The following PSKH1 variants were observed in gnomAD, a reference collection of about 807,000 sequenced individuals.
PSKH1 encodes the protein serine/threonine-protein kinase H1.
Under a neutral mutation model 26.7 loss-of-function variants are expected in PSKH1, and 12 were observed. That is an observed-to-expected ratio of 0.45 (90% confidence interval 0.29 to 0.73). PSKH1 has a LOEUF of 0.73. Among genes scored for constraint, PSKH1 ranks in the 30% least tolerant of loss-of-function variants. PSKH1 has a pLI of 0.11. For missense variants in PSKH1, 431 were observed against 595.2 expected, an observed-to-expected ratio of 0.72 and a Z score of 2.87; for synonymous variants, 213 against 234.3, an observed-to-expected ratio of 0.91 and a Z score of 0.83.
At position 67,927,518 on chromosome 16, in the gene PSKH1, A is replaced by G; in HGVS notation, c.1151A>G (p.Gln384Arg). 1.2e-6 allele frequency: 2 copies of G among 1,614,162 alleles called. No individual in the cohort carries two copies. The highest frequency in any genetic ancestry group is 1.7e-6 in the Non-Finnish European group (2 of 1,180,038). ...CTTAAACGTGCCTCCTCGCGCTGCC[A>G]GAGCACCAAATCTGCCCAGTCCACG... ...NLLKRASSRC[Q>R]STKSAQSTRS... The change falls in exon 3 of 3, where the codon CAG becomes CGG. Residue 384 changes from glutamine (Q) to arginine (R), a missense_variant. Transcript: ENST00000291041. This position sits in a 1 kb window ranked among gnomAD's most constrained non-coding sequence, Gnocchi z 5.5.
In PSKH1 at chr16:67,905,585, C is replaced by T. The variant is rs532654670; in HGVS notation, c.-70-3095C>T. Among the ~76,000 whole-genome samples the T allele has an allele frequency of 3.3e-5, 5 of 152,328 alleles. No homozygotes were observed. The South Asian group carries it at 8.3e-4, about 25-fold the overall frequency. ...TACTGAAATTATGTTTTTGGCTGGG[C>T]ACAGTGGCTCACACCTGTTATCCCA... is the stretch of plus-strand genomic sequence containing the variant. On this transcript the variant is annotated intron_variant, in intron 1 of 2. Coordinates refer to ENST00000291041, the MANE Select transcript of PSKH1 (RefSeq NM_006742.3).
At position 67,909,756 on chromosome 16, in the gene PSKH1, G is replaced by A. The variant is rs1370908543; in HGVS notation, c.957+50G>A. 2 of 1,529,866 alleles carry A rather than the reference G, an allele frequency of 1.3e-6. No homozygotes were observed. Among genetic ancestry groups the A allele is most frequent in the South Asian group, 1.1e-5 (1 of 87,226 alleles). The allele number at this position is 1,529,866 out of a possible 1,614,324, so 94.8% of individuals were successfully genotyped here. On this transcript the variant is annotated intron_variant, in intron 2 of 2. Transcript: ENST00000291041. The surrounding 1 kb of genome is among the most constrained non-coding windows in gnomAD (Gnocchi z 7.8). The stretch of plus-strand genomic sequence containing the variant: ...GGATGTTGGGGAGGCACCTGCGGGG[G>A]CAGGTATATCCTGCAGCTCTCAGTC...
chr16:67,922,949 C>G (rs2058206774), intron 2 of PSKH1, among the ~76,000 whole-genome samples: 1 of 152,240 alleles, frequency 6.6e-6, no homozygotes, highest in Non-Finnish European at 1.5e-5. Flanking sequence ...AGAGCTGGCG[C>G]TGTTCTTTGT....
rs1894043188 is a variant in PSKH1, at chr16:67,929,676, A to G, written c.*2034A>G. The G allele has an allele frequency of 9.7e-6, 5 of 516,512 alleles. No homozygotes were observed. The South Asian group carries it at 1.3e-4, about 14-fold the overall frequency. The allele number at this position is 516,512 out of a possible 1,614,324, so 32.0% of individuals were successfully genotyped here. On this transcript the variant is annotated 3_prime_UTR_variant, in exon 3 of 3. Coordinates refer to ENST00000291041, the MANE Select transcript of PSKH1 (RefSeq NM_006742.3). ...CCAGGGAGGGCTGCCATTCATTCCA[A>G]CAGTTCTGGCTTCTTGCTGTAGGAC...
At chr16:67,905,950 G>A (rs1246781812) in intron 1 of PSKH1, among the ~76,000 whole-genome samples, 1 of 152,118 alleles carries the variant, frequency 6.6e-6, no homozygotes, top group Non-Finnish European at 1.5e-5. Context: ...GTGTGTGTGT[G>A]TTAAAATATA....
intron 1 of PSKH1, among the ~76,000 whole-genome samples, chr16:67,896,162 G>A (rs2058125864): frequency 6.6e-6 from 1 of 151,664 alleles, no homozygotes; most frequent in Admixed American, 6.6e-5. Flanking sequence ...AGGCTGGAGT[G>A]CAATGGCGTG....
At position 67,919,163 on chromosome 16, in the gene PSKH1, G is replaced by A. The variant is rs910921728; in HGVS notation, c.958-8162G>A. Among the ~76,000 whole-genome samples the A allele has an allele frequency of 4.6e-5, 7 of 152,224 alleles. No homozygotes were observed. The South Asian group carries it at 1.4e-3, about 31-fold the overall frequency. ...AGCAGGAGACCAAATGTATATGCTG[G>A]TGGCAGAGTGGAGGCAGGGAAGCGG... On this transcript the variant is annotated intron_variant, in intron 2 of 2. Coordinates refer to ENST00000291041, the MANE Select transcript of PSKH1 (RefSeq NM_006742.3).
At chr16:67,906,729 A>G (rs1186178450) in intron 1 of PSKH1, among the ~76,000 whole-genome samples, 1 of 152,100 alleles carries the variant, frequency 6.6e-6, no homozygotes, top group African/African-American at 2.4e-5. Context: ...AGACATAGAG[A>G]AGAGCCCTCT....
chr16:67,913,260 C>A (rs1180243209), intron 2 of PSKH1, among the ~76,000 whole-genome samples: 1 of 151,998 alleles, frequency 6.6e-6, no homozygotes, highest in Non-Finnish European at 1.5e-5. Context: ...GATTCTCCCG[C>A]CTCAGCCTCC....
intron 1 of PSKH1, among the ~76,000 whole-genome samples, chr16:67,905,132 G>A (rs1263650392): frequency 1.3e-5 from 2 of 152,078 alleles, no homozygotes; most frequent in Non-Finnish European, 2.9e-5. Flanking sequence ...AGCTCTTACT[G>A]GCCCTTTTAA....
In PSKH1 at chr16:67,915,208, A is replaced by AGAGT. The variant is rs1479412956; in HGVS notation, c.957+5503_957+5504insAGTG. 1.2e-3 allele frequency among the ~76,000 whole-genome samples: 171 copies of AGAGT among 143,988 alleles called. No homozygotes were observed. The South Asian group carries it at 0.014, about 12-fold the overall frequency. The allele number at this position is 143,988 out of a possible 152,430, so 94.5% of individuals were successfully genotyped here. ...GAGTGAGTGAGTGAGAGAGAGAGAG[A>AGAGT]GTGTGTGTGTGTGTGTGTGTGTGTG... On this transcript the variant is annotated intron_variant, in intron 2 of 2. Transcript: ENST00000291041.
rs527336120 is a variant in PSKH1, at chr16:67,893,277, T to TGGCGGC, written c.-143_-138dup. On this transcript the variant is annotated 5_prime_UTR_variant, in exon 1 of 3. Transcript: ENST00000291041. ...ACGCCACGACGCTAACGCCCGAGAA[T>TGGCGGC]GGCGGCGGCGGCGGCGGCGGCGGCG... 6.1e-3 allele frequency: 964 copies of TGGCGGC among 159,250 alleles called. 9 individuals carry two copies. The highest frequency in any genetic ancestry group is 0.011 in the South Asian group (62 of 5,866). 9.9% of individuals were successfully genotyped at this position (159,250 alleles called of 1,614,324 possible). A position where few individuals can be genotyped will look rare whatever the true frequency, so the allele number is the denominator to read the frequency against.
intron 1 of PSKH1, among the ~76,000 whole-genome samples, chr16:67,907,635 C>G (rs1316514765): frequency 1.3e-5 from 2 of 152,168 alleles, no homozygotes; most frequent in Non-Finnish European, 2.9e-5. Flanking sequence ...GCTTGTGGTC[C>G]CAAGTTCACT....
At position 67,928,217 on chromosome 16, in the gene PSKH1, A is replaced by G. The variant is rs1424257852; in HGVS notation, c.*575A>G. 1 of 152,960 alleles carries G rather than the reference A, an allele frequency of 6.5e-6. No homozygotes were observed. The highest frequency in any genetic ancestry group is 1.5e-5 in the Non-Finnish European group (1 of 68,556). 9.5% of individuals were successfully genotyped at this position (152,960 alleles called of 1,614,324 possible). On this transcript the variant is annotated 3_prime_UTR_variant, in exon 3 of 3. Transcript: ENST00000291041. The surrounding 1 kb of genome is among the most constrained non-coding windows in gnomAD (Gnocchi z 4.8). ...CGAAACAGCCCTCCACCTCCCAGCC[A>G]AGATCTGTCTTCCTTCATGGTGCCT...
At chr16:67,904,184 TTTTGTA>T (rs1207232581) in intron 1 of PSKH1, among the ~76,000 whole-genome samples, 2 of 150,696 alleles carry the variant, frequency 1.3e-5, no homozygotes, top group South Asian at 2.1e-4. Flanking sequence ...CCTGGCTAAT[TTTTGTA>T]TTTGTATTTG....
At chr16:67,914,269 C>T (rs1411478218) in intron 2 of PSKH1, among the ~76,000 whole-genome samples, 1 of 152,012 alleles carries the variant, frequency 6.6e-6, no homozygotes, top group Non-Finnish European at 1.5e-5. Flanking sequence ...CCTGCCTCGG[C>T]CTCCCAAGTA....
chr16:67,902,738 C>T (rs2058145448), intron 1 of PSKH1, among the ~76,000 whole-genome samples: 1 of 152,126 alleles, frequency 6.6e-6, no homozygotes, highest in Non-Finnish European at 1.5e-5. Context: ...TGCTTCTTCA[C>T]CAGGAAGAAG....
chr16:67,927,895 C>T lies in PSKH1; in HGVS notation c.*253C>T. 1.8e-6 allele frequency: 1 copy of T among 542,428 alleles called. No individual in the cohort carries two copies. Among genetic ancestry groups the T allele is most frequent in the Non-Finnish European group, 3.3e-6 (1 of 306,152 alleles). The allele number at this position is 542,428 out of a possible 1,614,324, so 33.6% of individuals were successfully genotyped here. A position where few individuals can be genotyped will look rare whatever the true frequency, so the allele number is the denominator to read the frequency against. On this transcript the variant is annotated 3_prime_UTR_variant, in exon 3 of 3. Transcript: ENST00000291041. The surrounding 1 kb of genome is among the most constrained non-coding windows in gnomAD (Gnocchi z 5.5). ...TGGGAGCCTGGCCTGGCACTGATAC[C>T]CCTCTTGGTGGGCAGCTGCTCTGGT...
At chr16:67,914,916 A>G (rs1179778779) in intron 2 of PSKH1, among the ~76,000 whole-genome samples, 2 of 152,168 alleles carry the variant, frequency 1.3e-5, no homozygotes, top group African/African-American at 4.8e-5. Context: ...ATACGCTGAC[A>G]GAGGAAGGAC....
Sources: allele counts gnomAD v4.1 joint callset (sites outside exome capture counted in the v4.1 genomes callset), GRCh38; gene constraint gnomAD v4.1.1; non-coding constraint Gnocchi (gnomAD v3.1); transcripts MANE v1.5; gene names NCBI Gene and HGNC (gene_info 2026-07-23, HGNC 2026-07-21).